Variants in CDS1 observed in about 807,000 individuals in gnomAD.
CDS1 encodes the protein CDP-diacylglycerol synthase 1, also known as phosphatidate cytidylyltransferase 1.
A neutral mutation model predicts 62.1 loss-of-function variants in CDS1; 41 were observed. That is an observed-to-expected ratio of 0.66 (90% CI 0.51 to 0.86). The LOEUF (loss-of-function observed/expected upper bound fraction) is 0.86, where lower values mean the gene tolerates loss of function less well. Among genes scored for constraint, CDS1 ranks in the 40% least tolerant of loss-of-function variants. The pLI is 0.00. For missense variants in CDS1, 470 were observed against 550.1 expected (o/e 0.85, Z 1.46); for synonymous variants, 185 against 192.6 (o/e 0.96, Z 0.32).
intron 1 of CDS1, among the ~76,000 whole-genome samples, chr4:84,598,126 CA>C (rs879924741): frequency 0.044 from 3,657 of 82,928 alleles, 129 homozygotes; most frequent in African/African-American, 0.13. Flanking sequence ...ACTCCATCTC[CA>C]AAAAAAAAAA....
intron 11 of CDS1, among the ~76,000 whole-genome samples, chr4:84,643,981 C>CT (rs1292522260): frequency 2.0e-5 from 3 of 151,766 alleles, no homozygotes; most frequent in Non-Finnish European, 4.4e-5. Flanking sequence ...CCAGAGAAAA[C>CT]TAAGAAGAGA....
intron 2 of CDS1, among the ~76,000 whole-genome samples, chr4:84,608,072 C>CA (rs1723186469): frequency 6.6e-6 from 1 of 152,190 alleles, no homozygotes; most frequent in Non-Finnish European, 1.5e-5. Context: ...CAGGCCCTTA[C>CA]AGCGAGGGTT....
intron 1 of CDS1, among the ~76,000 whole-genome samples, chr4:84,595,946 A>G (rs1722734154): frequency 6.6e-6 from 1 of 151,996 alleles, no homozygotes; most frequent in African/African-American, 2.4e-5. Context: ...GGAGCCAAAC[A>G]TCTAGGAAAG....
chr4:84,608,046 G>A (rs1339934479), intron 2 of CDS1, among the ~76,000 whole-genome samples: 1 of 152,204 alleles, frequency 6.6e-6, no homozygotes, highest in Non-Finnish European at 1.5e-5. Context: ...CGGTGGTGGG[G>A]TGCGGTCGGG....
intron 1 of CDS1, among the ~76,000 whole-genome samples, chr4:84,587,810 G>C (rs1309041456): frequency 6.6e-6 from 1 of 152,132 alleles, no homozygotes; most frequent in Non-Finnish European, 1.5e-5. Context: ...ATACCATCTT[G>C]AGGCAAAGGT....
intron 8 of CDS1, among the ~76,000 whole-genome samples, chr4:84,636,919 A>G (rs1188713482): frequency 3.3e-5 from 5 of 152,250 alleles, no homozygotes; most frequent in African/African-American, 7.2e-5. Flanking sequence ...ACATATTATT[A>G]CCTGGCTGTT....
At chr4:84,637,145 G>C (rs986772050) in intron 8 of CDS1, among the ~76,000 whole-genome samples, 8 of 152,126 alleles carry the variant, frequency 5.3e-5, no homozygotes, top group Non-Finnish European at 8.8e-5. Context: ...GAGAGTGTTG[G>C]GCTGAGCTGT....
intron 7 of CDS1, 150 bp downstream of exon 7, chr4:84,634,089 C>T: frequency 2.4e-6 from 1 of 420,620 alleles, no homozygotes; most frequent in Admixed American, 4.3e-5. Flanking sequence ...TTTGCTTACT[C>T]TTTGACAACT....
chr4:84,597,098 A>G (rs192409033), intron 1 of CDS1, among the ~76,000 whole-genome samples: 36 of 152,318 alleles, frequency 2.4e-4, no homozygotes, highest in Non-Finnish European at 4.0e-4. Context: ...GTTTTCTCTT[A>G]TCCAAGCATT....
chr4:84,619,933 G>A (rs764852571), intron 5 of CDS1, among the ~76,000 whole-genome samples: 1 of 151,136 alleles, frequency 6.6e-6, no homozygotes, highest in Non-Finnish European at 1.5e-5. Context: ...TCAGGAGGCT[G>A]AGGCAGGAGA....
chr4:84,643,704 A>C lies in CDS1; in HGVS notation c.1152+561A>C, dbSNP rs142594760. 2.0e-5 allele frequency among the ~76,000 whole-genome samples: 3 copies of C among 152,350 alleles called. No homozygotes were observed. The South Asian group carries it at 6.2e-4, about 32-fold the overall frequency. ...TGAATGGGCATGGCTGGATTTAATA[A>C]AACTTTATTTATAAAAATAGGTTGT... On this transcript the variant is annotated intron_variant, in intron 11 of 12. Transcript: ENST00000295887.
chr4:84,604,109 C>A, intron 1 of CDS1, 134 bp from the exon 2 acceptor site: 1 of 714,680 alleles, frequency 1.4e-6, no homozygotes, highest in Non-Finnish European at 2.3e-6. Context: ...CTAAGATTTT[C>A]AAGATAAATA....
At chr4:84,597,387 C>T (rs1488227458) in intron 1 of CDS1, among the ~76,000 whole-genome samples, 1 of 152,150 alleles carries the variant, frequency 6.6e-6, no homozygotes, top group Non-Finnish European at 1.5e-5. Flanking sequence ...CCTGTAATCC[C>T]AGCACTTTGG....
chr4:84,619,361 A>G, intron 4 of CDS1, 33 bp from the exon 5 acceptor site: 1 of 1,242,288 alleles, frequency 8.0e-7, no homozygotes, highest in Non-Finnish European at 1.1e-6. Flanking sequence ...GAAAGCTTCA[A>G]ATATAGAAAA....
chr4:84,598,843 C>T (rs2110041349), intron 1 of CDS1, among the ~76,000 whole-genome samples: 1 of 152,224 alleles, frequency 6.6e-6, no homozygotes, highest in African/African-American at 2.4e-5. Flanking sequence ...AACCTGTGTA[C>T]AGTGTGTAAT....
chr4:84,639,697 A>G (rs767538032), intron 9 of CDS1, among the ~76,000 whole-genome samples: 5 of 152,184 alleles, frequency 3.3e-5, no homozygotes, highest in Non-Finnish European at 7.3e-5. Flanking sequence ...TCTGTATCCA[A>G]ATCTAGAGTA....
chr4:84,606,033 G>C (rs1453829833), intron 2 of CDS1, among the ~76,000 whole-genome samples: 2 of 152,086 alleles, frequency 1.3e-5, no homozygotes, highest in African/African-American at 2.4e-5. Flanking sequence ...AGATAATATA[G>C]TGGTTTCAAT....
chr4:84,635,400 G>A (rs770949394), intron 8 of CDS1, 49 bp downstream of exon 8: 11 of 881,824 alleles, frequency 1.2e-5, no homozygotes, highest in Non-Finnish European at 1.9e-5. Flanking sequence ...TTAAAGATTA[G>A]CCACTGGAGA....
chr4:84,608,318 C>T (rs111427336), intron 2 of CDS1, among the ~76,000 whole-genome samples: 36 of 152,240 alleles, frequency 2.4e-4, no homozygotes, highest in Non-Finnish European at 3.5e-4. Flanking sequence ...GGACTACAGG[C>T]GCCCACCACT....
Sources: gnomAD v4.1 joint callset for allele counts (sites outside exome capture counted in the v4.1 genomes callset) on GRCh38, gnomAD v4.1.1 for gene constraint, MANE v1.5 for transcripts, NCBI Gene and HGNC (gene_info 2026-07-23, HGNC 2026-07-21) for gene names.